LRMDA: variants seen among roughly 807,000 people sequenced by gnomAD.
The protein encoded by LRMDA is leucine-rich melanocyte differentiation-associated protein.
LRMDA carries 18 observed loss-of-function variants against 29.8 expected under a neutral mutation model. That is an observed-to-expected ratio of 0.60 (90% confidence interval 0.42 to 0.90). The LOEUF (loss-of-function observed/expected upper bound fraction) is 0.90. Among genes scored for constraint, LRMDA ranks in the 40% least tolerant of loss-of-function variants. The pLI is 0.00. For missense variants in LRMDA, 273 were observed against 273.9 expected (o/e 1.00, Z 0.02); for synonymous variants, 125 against 109.4 (o/e 1.14, Z -0.89).
At chr10:75,896,848 T>TGTGC (rs1845591284) in intron 2 of LRMDA, among the ~76,000 whole-genome samples, 1 of 150,920 alleles carries the variant, frequency 6.6e-6, no homozygotes. Flanking sequence ...CATTTGTGTG[T>TGTGC]GTGTGTGTGT....
chr10:75,974,507 G>A (rs1016421183), intron 2 of LRMDA, among the ~76,000 whole-genome samples: 3 of 152,118 alleles, frequency 2.0e-5, no homozygotes, highest in Non-Finnish European at 4.4e-5. Context: ...AACTCATAGG[G>A]TTGCTGTTAT....
At chr10:75,975,165 T>TC (rs1654396678) in intron 2 of LRMDA, among the ~76,000 whole-genome samples, 1 of 152,228 alleles carries the variant, frequency 6.6e-6, no homozygotes, top group Non-Finnish European at 1.5e-5. Flanking sequence ...ATTATCCCAT[T>TC]CTGTAGACAC....
intron 2 of LRMDA, among the ~76,000 whole-genome samples, chr10:75,958,224 T>A (rs1386125915): frequency 6.6e-6 from 1 of 152,186 alleles, no homozygotes; most frequent in African/African-American, 2.4e-5. Context: ...GGTTTCTTGC[T>A]TATTGCATAA....
At chr10:75,891,630 G>A (rs934435244) in intron 2 of LRMDA, among the ~76,000 whole-genome samples, 1 of 152,190 alleles carries the variant, frequency 6.6e-6, no homozygotes, top group Non-Finnish European at 1.5e-5. Context: ...CCATTGAAAG[G>A]CTTTGACATA....
At chr10:76,213,846 G>A (rs1851677929) in intron 5 of LRMDA, among the ~76,000 whole-genome samples, 1 of 151,774 alleles carries the variant, frequency 6.6e-6, no homozygotes, top group African/African-American at 2.4e-5. Flanking sequence ...CAGCTGACAG[G>A]AACAATTTGA....
At chr10:76,028,377 G>C (rs749654524) in intron 2 of LRMDA, among the ~76,000 whole-genome samples, 2 of 152,116 alleles carry the variant, frequency 1.3e-5, no homozygotes, top group Non-Finnish European at 2.9e-5. Context: ...TAGACTGTTA[G>C]AAGGGTTGCA....
intron 2 of LRMDA, among the ~76,000 whole-genome samples, chr10:75,719,662 G>A (rs1842542426): frequency 6.6e-6 from 1 of 152,212 alleles, no homozygotes; most frequent in African/African-American, 2.4e-5. Context: ...GAGGGAGAAG[G>A]TAGGGTTTGC....
intron 5 of LRMDA, among the ~76,000 whole-genome samples, chr10:76,263,478 G>T (rs756785009): frequency 2.6e-5 from 4 of 152,108 alleles, no homozygotes; most frequent in Non-Finnish European, 5.9e-5. Context: ...TTGCATGATG[G>T]TTACTTTATC....
chr10:75,636,800 C>T (rs1448209131), intron 2 of LRMDA, among the ~76,000 whole-genome samples: 3 of 152,020 alleles, frequency 2.0e-5, no homozygotes, highest in Non-Finnish European at 2.9e-5. Context: ...CCACCTGGGG[C>T]CGGGAGATCT....
chr10:75,615,414 A>G (rs1841086401), intron 2 of LRMDA, among the ~76,000 whole-genome samples: 1 of 152,138 alleles, frequency 6.6e-6, no homozygotes, highest in Non-Finnish European at 1.5e-5. Flanking sequence ...CCGAAATCCA[A>G]AATGCTCCAA....
chr10:76,415,747 C>T (rs907103236), intron 6 of LRMDA, among the ~76,000 whole-genome samples: 1 of 152,230 alleles, frequency 6.6e-6, no homozygotes, highest in Non-Finnish European at 1.5e-5. Flanking sequence ...ATATGCTCCC[C>T]ACACTTTGTC....
chr10:75,889,863 C>A (rs1041789944), intron 2 of LRMDA, among the ~76,000 whole-genome samples: 1 of 152,198 alleles, frequency 6.6e-6, no homozygotes, highest in African/African-American at 2.4e-5. Flanking sequence ...TTGCATGGTT[C>A]AAACTAAGGG....
At chr10:75,566,116 C>G (rs533345460) in intron 2 of LRMDA, among the ~76,000 whole-genome samples, 1 of 152,308 alleles carries the variant, frequency 6.6e-6, no homozygotes, top group South Asian at 2.1e-4. Flanking sequence ...ACACACTTAT[C>G]AAAGTTCTCT....
chr10:76,179,360 C>A (rs911490844), intron 5 of LRMDA, among the ~76,000 whole-genome samples: 4 of 151,776 alleles, frequency 2.6e-5, no homozygotes, highest in African/African-American at 9.7e-5. Context: ...AATTCTCAAA[C>A]TGAACAGATG....
chr10:75,713,960 T>C (rs1842468220), intron 2 of LRMDA, among the ~76,000 whole-genome samples: 1 of 152,214 alleles, frequency 6.6e-6, no homozygotes, highest in South Asian at 2.1e-4. Flanking sequence ...TTTGCTGGTT[T>C]ACATGTCCAC....
At chr10:76,214,292 C>A (rs1175971987) in intron 5 of LRMDA, among the ~76,000 whole-genome samples, 1 of 150,142 alleles carries the variant, frequency 6.7e-6, no homozygotes, top group Non-Finnish European at 1.5e-5. Context: ...CTAACTCCAA[C>A]ATTTTGTGCT....
chr10:76,137,423 C>T (rs562284565), intron 5 of LRMDA, among the ~76,000 whole-genome samples: 26 of 152,056 alleles, frequency 1.7e-4, no homozygotes, highest in Non-Finnish European at 2.5e-4. Context: ...CGAGGGGCAA[C>T]GATGCTTGTC....
intron 2 of LRMDA, among the ~76,000 whole-genome samples, chr10:75,750,157 G>A (rs1022615102): frequency 2.6e-5 from 4 of 152,220 alleles, no homozygotes; most frequent in African/African-American, 7.2e-5. Context: ...CCTCCCAGAC[G>A]GGGTGGCGGC....
chr10:76,108,449 G>A (rs1204567838), intron 5 of LRMDA, among the ~76,000 whole-genome samples: 1 of 152,130 alleles, frequency 6.6e-6, no homozygotes, highest in Non-Finnish European at 1.5e-5. Context: ...TAATCAATGA[G>A]GGCAGGCAGA....
Sources: allele counts gnomAD v4.1 joint callset (sites outside exome capture counted in the v4.1 genomes callset), GRCh38; gene constraint gnomAD v4.1.1; transcripts MANE v1.5; gene names NCBI Gene and HGNC (gene_info 2026-07-23, HGNC 2026-07-21).